GALNT6: variants seen among roughly 807,000 people sequenced by gnomAD.
GALNT6 encodes polypeptide N-acetylgalactosaminyltransferase 6.
GALNT6 carries 51 observed loss-of-function variants against 65.9 expected under a neutral mutation model. The ratio of observed to expected loss-of-function variants is 0.77; its 90% CI spans 0.62 to 0.98. The LOEUF is 0.98. GALNT6 is among the 50% of genes least tolerant of loss of function. GALNT6 has a pLI of 0.00. For synonymous variants in GALNT6, 323 were observed against 315.1 expected, an observed-to-expected ratio of 1.02 and a Z score of -0.26; for missense variants, 708 against 803.3, an observed-to-expected ratio of 0.88 and a Z score of 1.43.
intron 4 of GALNT6, among the ~76,000 whole-genome samples, chr12:51,366,811 T>C (rs1565720319): frequency 6.6e-6 from 1 of 152,212 alleles, no homozygotes; most frequent in Non-Finnish European, 1.5e-5. Context: ...TAATTTAGTC[T>C]GAAATCCTCA....
At chr12:51,370,522 C>A (rs1010733171) in intron 4 of GALNT6, among the ~76,000 whole-genome samples, 5 of 151,522 alleles carry the variant, frequency 3.3e-5, no homozygotes, top group African/African-American at 1.2e-4. Flanking sequence ...AACTCCATCT[C>A]AAAAAAAATA....
rs531043941 is a variant in GALNT6 at position 51,379,603 on chromosome 12, G to T, written c.179C>A (p.Ala60Asp). Reference sequence around the variant, plus strand: ...CATTGAATCTCTAAGGTTGTTCATGGCCTCCAGCATGAGGTCCAGGACGTG... The same window carrying T: ...CATTGAATCTCTAAGGTTGTTCATGTCCTCCAGCATGAGGTCCAGGACGTG... ...KDHVLDLMLEAMNNLRDSMPK... is the reference protein window; with the variant it reads ...KDHVLDLMLEDMNNLRDSMPK... Residue 60 changes from alanine (A) to aspartate (D), a missense_variant, in exon 3 of 12, where the codon GCC becomes GAC. Ala to Asp is a moderately radical substitution (Grantham distance 126). Transcript: ENST00000356317. The T allele has an allele frequency of 2.5e-5, 41 of 1,613,856 alleles. No individual in the cohort carries two copies. The highest frequency in any genetic ancestry group is 3.4e-5 in the Non-Finnish European group (40 of 1,179,860).
chr12:51,356,979 G>A (rs1489916787), intron 10 of GALNT6, among the ~76,000 whole-genome samples: 1 of 152,002 alleles, frequency 6.6e-6, no homozygotes, highest in Non-Finnish European at 1.5e-5. Context: ...ACTGGAAGGT[G>A]GTAGGATCAG....
intron 4 of GALNT6, among the ~76,000 whole-genome samples, chr12:51,368,781 C>A (rs1274888279): frequency 2.6e-5 from 4 of 152,152 alleles, no homozygotes; most frequent in African/African-American, 4.8e-5. Flanking sequence ...TGAATGGATT[C>A]TTCAGGCAGT....
intron 2 of GALNT6, among the ~76,000 whole-genome samples, chr12:51,388,732 A>G (rs1947918927): frequency 6.6e-6 from 1 of 151,960 alleles, no homozygotes; most frequent in Admixed American, 6.5e-5. Flanking sequence ...TTGGTCCCCA[A>G]ACTTCTGTCT....
Position 51,358,257 on chromosome 12 carries a change from G to C in GALNT6, c.1373C>G (p.Ser458Cys), listed in dbSNP as rs1592313753. ...CAGTCGTTCCGAAATGTCACCGAAG[G>C]ATTTCTGTCAATCAAGCCAGCCCCC... ...LQAAKMAQEK[S>C]FGDISERLQL... The change falls in exon 9 of 12, where the codon TCC becomes TGC. Residue 458 changes from serine to cysteine, a missense_variant. Physicochemically the swap from Ser to Cys is moderately radical, Grantham distance 112 (BLOSUM62 -1). Transcript: ENST00000356317. 6.2e-7 allele frequency: 1 copy of C among 1,613,428 alleles called. No individual in the cohort carries two copies. The highest frequency in any genetic ancestry group is 1.7e-4 in the Middle Eastern group (1 of 6,058).
In GALNT6 at chr12:51,365,584, A is replaced by T; in HGVS notation, c.665-5T>A. Reference sequence around the variant, plus strand: ...CCAGCTTCTCCTTTAGGTGCTCTGGAAGGGACAGTGTCATTGTGGCCAGTC... The same window carrying T: ...CCAGCTTCTCCTTTAGGTGCTCTGGTAGGGACAGTGTCATTGTGGCCAGTC... On this transcript the variant is annotated splice_region_variant and splice_polypyrimidine_tract_variant and intron_variant, in intron 4 of 11. Transcript: ENST00000356317. 1 of 1,613,442 alleles carries T rather than the reference A, an allele frequency of 6.2e-7. No individual in the cohort carries two copies. Among genetic ancestry groups the T allele is most frequent in the Non-Finnish European group, 8.5e-7 (1 of 1,179,678 alleles).
At chr12:51,385,620 C>G (rs1209301242) in intron 2 of GALNT6, among the ~76,000 whole-genome samples, 1 of 152,136 alleles carries the variant, frequency 6.6e-6, no homozygotes, top group African/African-American at 2.4e-5. Flanking sequence ...AGTTTATATT[C>G]TAGCCCCCCT....
rs574974956 is a variant in GALNT6, at chr12:51,380,851, G to T, written c.-103-967C>A. On this transcript the variant is annotated intron_variant, in intron 2 of 11. Coordinates refer to ENST00000356317, the MANE Select transcript of GALNT6 (RefSeq NM_007210.4). ...CCAGTTTCTGAAGATGAAGAAAACGGTACAGGATTAGAGATGGTTAATGGG... is the reference window on the plus strand; with the variant it reads ...CCAGTTTCTGAAGATGAAGAAAACGTTACAGGATTAGAGATGGTTAATGGG... Among the ~76,000 whole-genome samples, 5 of 152,286 alleles carry T rather than the reference G, an allele frequency of 3.3e-5. No homozygotes were observed. The South Asian group carries it at 1.0e-3, about 32-fold the overall frequency.
Position 51,351,906 on chromosome 12 carries a change from T to C in GALNT6, c.*2473A>G, listed in dbSNP as rs2519. On this transcript the variant is annotated 3_prime_UTR_variant, in exon 12 of 12. Coordinates refer to ENST00000356317, the MANE Select transcript of GALNT6 (RefSeq NM_007210.4). ...AATGCCAGAAAACCTTTATTTCCAC[T>C]GAGACCTCTCATCCAATTCTCTTCT... 140,067 of 151,838 alleles carry C rather than the reference T, an allele frequency of 0.92. 65,187 individuals carry two copies. Among genetic ancestry groups the C allele is most frequent in the Non-Finnish European group, 1 (67,853 of 68,008 alleles). 9.4% of individuals were successfully genotyped at this position (151,838 alleles called of 1,614,324 possible). A position where few individuals can be genotyped will look rare whatever the true frequency, so the allele number is the denominator to read the frequency against.
intron 3 of GALNT6, among the ~76,000 whole-genome samples, chr12:51,377,646 C>G (rs67726586): frequency 0.14 from 21,006 of 152,128 alleles, 1,658 homozygotes; most frequent in African/African-American, 0.22. Flanking sequence ...TCCTCCACCC[C>G]CTTCCTTCAT....
chr12:51,365,874 A>C (rs1262734744), intron 4 of GALNT6, among the ~76,000 whole-genome samples: 1 of 152,180 alleles, frequency 6.6e-6, no homozygotes. Context: ...TGTCAGGGAC[A>C]GCACCTCAGA....
intron 2 of GALNT6, among the ~76,000 whole-genome samples, chr12:51,389,266 C>T (rs996654330): frequency 2.0e-5 from 3 of 152,254 alleles, no homozygotes; most frequent in Non-Finnish European, 2.9e-5. Context: ...TGTCGGAACA[C>T]ATCCGTGGGA....
chr12:51,374,689 G>A (rs1338910553), intron 4 of GALNT6, among the ~76,000 whole-genome samples: 2 of 152,114 alleles, frequency 1.3e-5, no homozygotes, highest in Non-Finnish European at 2.9e-5. Context: ...TGCCTCCTAC[G>A]AGGAGGGCTA....
In GALNT6 at chr12:51,360,828, A is replaced by G. The variant is rs1416499768; in HGVS notation, c.1060T>C (p.Phe354Leu). ...GAGATGGAGAAGAGGCCACCAGCAA[A>G]CGTCGGGGATCTGGAGAGACAGAGG... ...DETYPIKSPT[F>L]AGGLFSISKS... Residue 354 changes from phenylalanine to leucine, a missense_variant, in exon 7 of 12, where the codon TTT becomes CTT. By Grantham distance (22) the Phe-to-Leu change is conservative. Transcript: ENST00000356317. 6.2e-7 allele frequency: 1 copy of G among 1,609,140 alleles called. No individual in the cohort carries two copies.
chr12:51,374,543 G>T (rs761310416), intron 4 of GALNT6, among the ~76,000 whole-genome samples: 2 of 152,106 alleles, frequency 1.3e-5, no homozygotes, highest in Non-Finnish European at 2.9e-5. Flanking sequence ...AGGGAGGCTG[G>T]GGGAGGACAA....
intron 3 of GALNT6, 136 bp from the exon 4 acceptor site, chr12:51,377,503 G>C: frequency 1.4e-6 from 1 of 712,742 alleles, no homozygotes; most frequent in Non-Finnish European, 2.4e-6. Flanking sequence ...TAGCAGGTGG[G>C]AACAGCTGTT....
At chr12:51,368,223 C>T (rs1947173204) in intron 4 of GALNT6, among the ~76,000 whole-genome samples, 2 of 144,932 alleles carry the variant, frequency 1.4e-5, no homozygotes, top group Non-Finnish European at 3.1e-5. Flanking sequence ...TGCTTCCTCT[C>T]GCAGTCACCC....
intron 7 of GALNT6, 53 bp from the exon 8 acceptor site, chr12:51,359,385 TC>T (rs1230309825): frequency 2.3e-6 from 3 of 1,278,172 alleles, no homozygotes; most frequent in South Asian, 1.3e-5. Context: ...TGAGACAGTC[TC>T]CCCATAAGCA....
Sources: allele counts gnomAD v4.1 joint callset (sites outside exome capture counted in the v4.1 genomes callset), GRCh38; gene constraint gnomAD v4.1.1; transcripts MANE v1.5; gene names NCBI Gene and HGNC (gene_info 2026-07-23, HGNC 2026-07-21).